Variants in ZNF609 observed in about 807,000 individuals in gnomAD.
ZNF609 encodes the protein zinc finger protein 609.
A neutral mutation model predicts 109.5 loss-of-function variants in ZNF609; 11 were observed. The observed-to-expected ratio is 0.10, with a 90% CI of 0.06 to 0.17. ZNF609 has a LOEUF of 0.17. ZNF609 is among the 10% of genes least tolerant of loss of function. ZNF609 has a pLI of 1.00. For missense variants in ZNF609, 1,559 were observed against 1,772.4 expected (o/e 0.88, Z 2.16); for synonymous variants, 646 against 662.0 (o/e 0.98, Z 0.37).
intron 1 of ZNF609, among the ~76,000 whole-genome samples, chr15:64,471,606 T>A (rs1368801974): frequency 6.6e-6 from 1 of 152,150 alleles, no homozygotes; most frequent in Non-Finnish European, 1.5e-5. Context: ...CCCCCCAAGA[T>A]GGAGTTTCTC....
intron 2 of ZNF609, among the ~76,000 whole-genome samples, chr15:64,605,730 TC>T (rs1292134727): frequency 6.6e-6 from 1 of 150,702 alleles, no homozygotes; most frequent in Non-Finnish European, 1.5e-5. Flanking sequence ...TTTTTCTTTT[TC>T]TTTCTTTTTT....
intron 2 of ZNF609, among the ~76,000 whole-genome samples, chr15:64,543,478 C>A (rs959797498): frequency 6.7e-6 from 1 of 149,432 alleles, no homozygotes; most frequent in African/African-American, 2.5e-5. Flanking sequence ...GAGCCTCCCT[C>A]TGTTGCCCAG....
intron 3 of ZNF609, among the ~76,000 whole-genome samples, chr15:64,629,926 C>T (rs1896037544): frequency 6.6e-6 from 1 of 152,120 alleles, no homozygotes; most frequent in South Asian, 2.1e-4. Flanking sequence ...TATCTCCACA[C>T]TTGACCTTTT....
At chr15:64,470,785 G>A (rs907358035) in intron 1 of ZNF609, among the ~76,000 whole-genome samples, 5 of 152,294 alleles carry the variant, frequency 3.3e-5, no homozygotes, top group African/African-American at 9.6e-5. Flanking sequence ...CTCCCAAAGT[G>A]TTGGGATTAC....
intron 2 of ZNF609, among the ~76,000 whole-genome samples, chr15:64,575,007 A>G (rs1192469391): frequency 6.6e-6 from 1 of 152,210 alleles, no homozygotes; most frequent in Admixed American, 6.5e-5. Flanking sequence ...TATGCTGTTC[A>G]TTAATGGGGC....
intron 2 of ZNF609, among the ~76,000 whole-genome samples, chr15:64,546,125 T>C (rs1223048659): frequency 2.0e-5 from 3 of 152,248 alleles, no homozygotes; most frequent in African/African-American, 4.8e-5. Context: ...TTACCAGCTA[T>C]GTATGAGAGT....
At chr15:64,660,372 G>A (rs950778572) in intron 3 of ZNF609, among the ~76,000 whole-genome samples, 11 of 152,098 alleles carry the variant, frequency 7.2e-5, no homozygotes, top group African/African-American at 2.7e-4. Flanking sequence ...GGTGCAGACG[G>A]TCTATGTCAG....
intron 1 of ZNF609, among the ~76,000 whole-genome samples, chr15:64,477,077 CTT>C (rs933974995): frequency 3.3e-5 from 5 of 149,588 alleles, no homozygotes; most frequent in African/African-American, 9.9e-5. Context: ...TAGATGCTCT[CTT>C]GTTTGAATTG....
At position 64,560,376 on chromosome 15, in the gene ZNF609, T is replaced by TC. The variant is rs1894657082; in HGVS notation, c.747+60210_747+60211insC. Among the ~76,000 whole-genome samples, 5 of 151,826 alleles carry TC rather than the reference T, an allele frequency of 3.3e-5. No homozygotes were observed. The South Asian group carries it at 1.0e-3, about 32-fold the overall frequency. ...CTGGTTTTTTAATTTGTTTTTTTTTTTCCCCCCGCAGAAGATCCTTTGGTT... is the reference window on the plus strand; with the variant it reads ...CTGGTTTTTTAATTTGTTTTTTTTTTCTCCCCCCGCAGAAGATCCTTTGGTT... On this transcript the variant is annotated intron_variant, in intron 2 of 9. Coordinates refer to ENST00000326648, the MANE Select transcript of ZNF609 (RefSeq NM_015042.2).
intron 1 of ZNF609, among the ~76,000 whole-genome samples, chr15:64,473,311 G>A (rs1004219516): frequency 2.5e-4 from 36 of 145,298 alleles, no homozygotes; most frequent in African/African-American, 8.5e-4. Flanking sequence ...CGATTCTCCT[G>A]CCTCAGCCTC....
At position 64,577,045 on chromosome 15, in the gene ZNF609, CAT is replaced by C. The variant is rs1250653465; in HGVS notation, c.748-45780_748-45779del. ...ATAAATATATATATGTATATATACA[CAT>C]AAATATATACATATATGTATATATA... On this transcript the variant is annotated intron_variant, in intron 2 of 9. Coordinates refer to ENST00000326648, the MANE Select transcript of ZNF609 (RefSeq NM_015042.2). Among the ~76,000 whole-genome samples the C allele has an allele frequency of 2.9e-3, 288 of 99,082 alleles. 5 individuals are homozygous for C. Among genetic ancestry groups the C allele is most frequent in the Middle Eastern group, 0.014 (2 of 148 alleles). 65.0% of individuals were successfully genotyped at this position (99,082 alleles called of 152,430 possible).
chr15:64,628,455 G>A (rs1248744601), intron 3 of ZNF609, among the ~76,000 whole-genome samples: 1 of 151,910 alleles, frequency 6.6e-6, no homozygotes, highest in African/African-American at 2.4e-5. Context: ...CCAGGAGTTT[G>A]AGACCAGCCT....
At chr15:64,465,008 CTG>C (rs200185649) in intron 1 of ZNF609, among the ~76,000 whole-genome samples, 1,568 of 152,292 alleles carry the variant, frequency 0.01, 33 homozygotes, top group African/African-American at 0.036. Context: ...TCTTCTGTAA[CTG>C]TGGTTTTTTA....
chr15:64,568,382 A>G (rs1894811855), intron 2 of ZNF609, among the ~76,000 whole-genome samples: 1 of 152,116 alleles, frequency 6.6e-6, no homozygotes, highest in African/African-American at 2.4e-5. Context: ...AATTGGTGAG[A>G]TGGCTTTTTC....
intron 2 of ZNF609, among the ~76,000 whole-genome samples, chr15:64,503,285 C>T (rs957109309): frequency 8.5e-5 from 13 of 152,182 alleles, no homozygotes; most frequent in Admixed American, 3.9e-4. Context: ...ACTGCTGCTG[C>T]TCTGAATTGT....
At chr15:64,541,057 C>T (rs976827130) in intron 2 of ZNF609, among the ~76,000 whole-genome samples, 1 of 143,030 alleles carries the variant, frequency 7.0e-6, no homozygotes, top group Non-Finnish European at 1.5e-5. Flanking sequence ...ACTTTTGTGT[C>T]TAACAGCAAA....
chr15:64,666,542 C>T (rs1896651223), intron 3 of ZNF609, among the ~76,000 whole-genome samples: 1 of 152,078 alleles, frequency 6.6e-6, no homozygotes, highest in East Asian at 1.9e-4. Flanking sequence ...CTTGCTCTGT[C>T]GCCGAGGCTG....
chr15:64,466,686 A>T (rs776560224), intron 1 of ZNF609, among the ~76,000 whole-genome samples: 11 of 152,318 alleles, frequency 7.2e-5, no homozygotes, highest in Middle Eastern at 3.4e-3. Context: ...AAGAATGTCA[A>T]GTTCTTGATT....
intron 2 of ZNF609, among the ~76,000 whole-genome samples, chr15:64,611,593 G>C (rs1895716187): frequency 6.6e-6 from 1 of 152,182 alleles, no homozygotes; most frequent in African/African-American, 2.4e-5. Flanking sequence ...CTGAGCCCAA[G>C]AATGTATAGG....
Sources: gnomAD v4.1 joint callset for allele counts (sites outside exome capture counted in the v4.1 genomes callset) on GRCh38, gnomAD v4.1.1 for gene constraint, MANE v1.5 for transcripts, NCBI Gene and HGNC (gene_info 2026-07-23, HGNC 2026-07-21) for gene names.